ZBBX: variants seen among roughly 807,000 people sequenced by gnomAD.
The protein encoded by ZBBX is zinc finger B-box domain containing, also known as zinc finger B-box domain-containing protein 1.
A neutral mutation model predicts 108.5 loss-of-function variants in ZBBX; 101 were observed. The observed-to-expected ratio is 0.93, with a 90% CI of 0.79 to 1.10. The LOEUF (loss-of-function observed/expected upper bound fraction) is 1.10, where lower values mean the gene tolerates loss of function less well. ZBBX is among the 50% of genes least tolerant of loss of function. ZBBX has a pLI of 0.00. For synonymous variants in ZBBX, 356 were observed against 323.4 expected (o/e 1.10, Z -1.08); for missense variants, 1,009 against 941.4 (o/e 1.07, Z -0.94).
chr3:167,354,514 A>G (rs1743202760), intron 8 of ZBBX, among the ~76,000 whole-genome samples: 1 of 151,886 alleles, frequency 6.6e-6, no homozygotes, highest in Non-Finnish European at 1.5e-5. Flanking sequence ...CACTATCCCT[A>G]GCATAGAAAC....
the ZBBX span, among the ~76,000 whole-genome samples, chr3:167,203,573 T>C: frequency 6.6e-6 from 1 of 152,152 alleles, no homozygotes; most frequent in Non-Finnish European, 1.5e-5. Context: ...CCTTATATTC[T>C]TCTTAATTTT....
intron 20 of ZBBX, among the ~76,000 whole-genome samples, chr3:167,256,677 CA>C (rs1723589203): frequency 8.1e-6 from 1 of 123,158 alleles, no homozygotes; most frequent in East Asian, 2.7e-4. Context: ...TCAATGAGTT[CA>C]ATTGTTTTGA....
intron 19 of ZBBX, among the ~76,000 whole-genome samples, chr3:167,288,128 G>C (rs971228513): frequency 6.6e-6 from 1 of 151,980 alleles, no homozygotes; most frequent in African/African-American, 2.4e-5. Context: ...CAAAATATAT[G>C]CTGAATTACC....
chr3:167,191,819 T>C, the ZBBX span, among the ~76,000 whole-genome samples: 1 of 149,914 alleles, frequency 6.7e-6, no homozygotes, highest in South Asian at 2.1e-4. Context: ...TGATTTTCTC[T>C]AGTAGTACGC....
intron 2 of ZBBX, among the ~76,000 whole-genome samples, chr3:167,377,027 G>GT (rs926001367): frequency 6.6e-6 from 1 of 151,946 alleles, no homozygotes; most frequent in Non-Finnish European, 1.5e-5. Context: ...TGGTCATTCA[G>GT]TTTTTTTTAT....
At chr3:167,401,105 T>C (rs1748411564) in intron 1 of ZBBX, among the ~76,000 whole-genome samples, 1 of 152,200 alleles carries the variant, frequency 6.6e-6, no homozygotes. Flanking sequence ...AATATTGTAT[T>C]GTCTTTTAGA....
intron 4 of ZBBX, among the ~76,000 whole-genome samples, chr3:167,371,573 AG>A (rs1326457957): frequency 6.6e-6 from 1 of 152,166 alleles, no homozygotes. Flanking sequence ...ATCATTCCCT[AG>A]CACAGTGTAT....
rs1265402916 is a variant in ZBBX at position 167,242,741 on chromosome 3, A to G, written c.2255-98T>C. Reference sequence around the variant, plus strand: ...GTTTACCCAGAGTAAATTACAGGCAATACAAAGAAGGTCAGCATAGATTTT... The same window carrying G: ...GTTTACCCAGAGTAAATTACAGGCAGTACAAAGAAGGTCAGCATAGATTTT... On this transcript the variant is annotated intron_variant, in intron 20 of 21. Coordinates refer to ENST00000675490, the MANE Select transcript of ZBBX (RefSeq NM_001199201.2). The G allele has an allele frequency of 2.7e-6, 3 of 1,092,138 alleles. No homozygotes were observed. The Admixed American group carries it at 9.8e-5, about 36-fold the overall frequency. The allele number at this position is 1,092,138 out of a possible 1,614,324, so 67.7% of individuals were successfully genotyped here.
At chr3:167,353,249 C>G (rs530227195) in intron 8 of ZBBX, among the ~76,000 whole-genome samples, 97 of 152,054 alleles carry the variant, frequency 6.4e-4, no homozygotes, top group African/African-American at 2.2e-3. Flanking sequence ...ACACACTCAT[C>G]AATTGATTGG....
intron 1 of ZBBX, among the ~76,000 whole-genome samples, chr3:167,398,062 T>C (rs1303144543): frequency 6.6e-6 from 1 of 151,888 alleles, no homozygotes; most frequent in Non-Finnish European, 1.5e-5. Flanking sequence ...GTTTCATGAA[T>C]GTGCTACAAG....
the ZBBX span, among the ~76,000 whole-genome samples, chr3:167,212,788 T>C: frequency 6.6e-6 from 1 of 152,062 alleles, no homozygotes; most frequent in Non-Finnish European, 1.5e-5. Context: ...GAACCCACAA[T>C]TTCAGAGCAC....
intron 4 of ZBBX, among the ~76,000 whole-genome samples, chr3:167,370,117 A>T (rs1411516283): frequency 6.6e-6 from 1 of 152,208 alleles, no homozygotes; most frequent in Non-Finnish European, 1.5e-5. Context: ...GCTGTATCAA[A>T]GGAAATCAAT....
intron 1 of ZBBX, among the ~76,000 whole-genome samples, chr3:167,394,846 G>T (rs1748181047): frequency 6.6e-6 from 1 of 152,010 alleles, no homozygotes; most frequent in Admixed American, 6.6e-5. Flanking sequence ...ATCCGAGGTG[G>T]ACCTCAAGAA....
the ZBBX span, among the ~76,000 whole-genome samples, chr3:167,202,541 A>G: frequency 6.6e-6 from 1 of 152,180 alleles, no homozygotes; most frequent in Non-Finnish European, 1.5e-5. Flanking sequence ...AGTTTCTGCT[A>G]GTAATCTCCT....
chr3:167,242,994 T>A lies in ZBBX; in HGVS notation c.2255-351A>T, dbSNP rs1419792344. The stretch of plus-strand genomic sequence containing the variant: ...ACTCAACCTGTTGGACATTTTGTTA[T>A]CTTTTTTCTTATAAGAAATAAAAGC... On this transcript the variant is annotated intron_variant, in intron 20 of 21. Transcript: ENST00000675490. Among the ~76,000 whole-genome samples the A allele has an allele frequency of 2.6e-5, 4 of 152,218 alleles. No homozygotes were observed. In the South Asian group the frequency reaches 6.2e-4, roughly 24 times the overall value.
chr3:167,277,805 AG>A (rs1309176057), intron 20 of ZBBX, among the ~76,000 whole-genome samples: 1 of 152,238 alleles, frequency 6.6e-6, no homozygotes, highest in Non-Finnish European at 1.5e-5. Flanking sequence ...CATTTTTTTC[AG>A]CACCACACCA....
the ZBBX span, among the ~76,000 whole-genome samples, chr3:167,187,611 A>T: frequency 6.6e-6 from 1 of 152,202 alleles, no homozygotes; most frequent in Non-Finnish European, 1.5e-5. Flanking sequence ...TAGTAAAATG[A>T]AAGCAAACAT....
At chr3:167,206,357 T>C in the ZBBX span, among the ~76,000 whole-genome samples, 1 of 152,104 alleles carries the variant, frequency 6.6e-6, no homozygotes, top group Non-Finnish European at 1.5e-5. Context: ...CATGCACACA[T>C]ACATACTATA....
the ZBBX span, among the ~76,000 whole-genome samples, chr3:167,225,071 G>A: frequency 6.6e-6 from 1 of 151,794 alleles, no homozygotes; most frequent in Non-Finnish European, 1.5e-5. Flanking sequence ...TGTTGATATG[G>A]AATAGACACA....
Sources: allele counts gnomAD v4.1 joint callset (sites outside exome capture counted in the v4.1 genomes callset), GRCh38; gene constraint gnomAD v4.1.1; transcripts MANE v1.5; gene names NCBI Gene and HGNC (gene_info 2026-07-23, HGNC 2026-07-21).